The following RAPGEF6 variants were observed in gnomAD, a reference collection of about 807,000 sequenced individuals.
RAPGEF6 encodes PDZ domain containing guanine nucleotide exchange factor (GEF) 2.
A neutral mutation model predicts 171.4 loss-of-function variants in RAPGEF6; 56 were observed. That is an observed-to-expected ratio of 0.33 (90% CI 0.26 to 0.41). The LOEUF (loss-of-function observed/expected upper bound fraction) is 0.41, where lower values mean the gene tolerates loss of function less well. Ranked by LOEUF, RAPGEF6 falls within the 10% of genes least tolerant of loss-of-function variation. The pLI is 1.00. For synonymous variants in RAPGEF6, 692 were observed against 650.1 expected (o/e 1.06, Z -0.98); for missense variants, 1,674 against 1,921.4 (o/e 0.87, Z 2.41).
At chr5:131,559,705 TG>T (rs1761468381) in intron 5 of RAPGEF6, among the ~76,000 whole-genome samples, 1 of 151,850 alleles carries the variant, frequency 6.6e-6, no homozygotes, top group African/African-American at 2.4e-5. Flanking sequence ...CTGGGTATGG[TG>T]GGGTGCATCT....
chr5:131,617,250 A>G (rs901526122), intron 1 of RAPGEF6, among the ~76,000 whole-genome samples: 1 of 151,900 alleles, frequency 6.6e-6, no homozygotes, highest in African/African-American at 2.4e-5. Context: ...TAGGAGGCCA[A>G]TCTGGGCAAT....
At position 131,542,318 on chromosome 5, in the gene RAPGEF6, T is replaced by A. The variant is rs62383389; in HGVS notation, c.495+5729A>T. 9.6e-3 allele frequency among the ~76,000 whole-genome samples: 1,460 copies of A among 152,280 alleles called. 20 individuals are homozygous for A. The highest frequency in any genetic ancestry group is 0.034 in the Middle Eastern group (10 of 294). On this transcript the variant is annotated intron_variant, in intron 6 of 27. Coordinates refer to ENST00000509018, the MANE Select transcript of RAPGEF6 (RefSeq NM_016340.6). The stretch of plus-strand genomic sequence containing the variant: ...CAACAGCAATAGGATGCTACTAACA[T>A]TACTATTTTTCAGAGCACCAGACAC...
chr5:131,494,748 G>C (rs1175976037), intron 13 of RAPGEF6, among the ~76,000 whole-genome samples: 2 of 146,214 alleles, frequency 1.4e-5, no homozygotes, highest in Non-Finnish European at 3.0e-5. Flanking sequence ...ACTAGAACTA[G>C]GGTCAGTGAG....
intron 6 of RAPGEF6, 76 bp downstream of exon 6, chr5:131,547,971 C>A: frequency 6.7e-7 from 1 of 1,495,686 alleles, no homozygotes; most frequent in Admixed American, 1.9e-5. Context: ...TTGATATTAC[C>A]AAAGATACAT....
intron 15 of RAPGEF6, among the ~76,000 whole-genome samples, chr5:131,481,431 G>A (rs1755473180): frequency 6.6e-6 from 1 of 151,166 alleles, no homozygotes; most frequent in Non-Finnish European, 1.5e-5. Flanking sequence ...GTTTCGACAT[G>A]TTGCCCAGGA....
chr5:131,463,892 G>A, intron 18 of RAPGEF6, 149 bp downstream of exon 18: 6 of 1,387,900 alleles, frequency 4.3e-6, no homozygotes, highest in South Asian at 1.9e-5. Context: ...TATTTTAGCA[G>A]GAGTGACAAG....
At chr5:131,514,394 G>C (rs1043313278) in intron 7 of RAPGEF6, among the ~76,000 whole-genome samples, 1 of 146,576 alleles carries the variant, frequency 6.8e-6, no homozygotes, top group African/African-American at 2.5e-5. Context: ...TGGGCAGAAA[G>C]TTTAATTCTA....
At chr5:131,452,808 C>A (rs552726154) in intron 21 of RAPGEF6, among the ~76,000 whole-genome samples, 1 of 152,044 alleles carries the variant, frequency 6.6e-6, no homozygotes, top group Admixed American at 6.6e-5. Flanking sequence ...TATCCACATA[C>A]AAATATTTGC....
intron 12 of RAPGEF6, among the ~76,000 whole-genome samples, chr5:131,498,152 G>C (rs1756756094): frequency 6.6e-6 from 1 of 152,178 alleles, no homozygotes; most frequent in Admixed American, 6.5e-5. Flanking sequence ...AAACAATCAA[G>C]TATTTCAGTA....
At chr5:131,571,530 T>C (rs1028611408) in intron 4 of RAPGEF6, among the ~76,000 whole-genome samples, 5 of 152,210 alleles carry the variant, frequency 3.3e-5, no homozygotes, top group African/African-American at 9.6e-5. Context: ...ACAATATCTC[T>C]ACACTGAAAA....
intron 4 of RAPGEF6, among the ~76,000 whole-genome samples, chr5:131,578,950 T>C (rs1160062733): frequency 6.6e-6 from 1 of 152,208 alleles, no homozygotes; most frequent in Non-Finnish European, 1.5e-5. Flanking sequence ...GGTGGGTTCT[T>C]GGTCTCACTA....
intron 17 of RAPGEF6, chr5:131,472,286 T>C (rs564438523): frequency 2.7e-6 from 1 of 369,426 alleles, no homozygotes; most frequent in Middle Eastern, 9.2e-4. Flanking sequence ...TTAGCCAGGA[T>C]GGTCTCAATC....
chr5:131,588,113 A>G (rs546566293), intron 4 of RAPGEF6, among the ~76,000 whole-genome samples: 137 of 151,490 alleles, frequency 9.0e-4, no homozygotes, highest in Non-Finnish European at 1.6e-3. Context: ...GGGTCCTGAG[A>G]TTTATTTTCC....
intron 4 of RAPGEF6, among the ~76,000 whole-genome samples, chr5:131,579,821 T>C (rs1461266662): frequency 1.3e-5 from 2 of 152,026 alleles, no homozygotes; most frequent in Non-Finnish European, 2.9e-5. Flanking sequence ...GTTCTCCACG[T>C]CCCCACTAGA....
intron 1 of RAPGEF6, among the ~76,000 whole-genome samples, chr5:131,623,538 C>A (rs1488541982): frequency 7.3e-6 from 1 of 137,912 alleles, no homozygotes; most frequent in Admixed American, 7.8e-5. Flanking sequence ...GGCTGGAGTG[C>A]ACAATGGTAC....
intron 6 of RAPGEF6, among the ~76,000 whole-genome samples, chr5:131,533,280 C>T (rs1165091962): frequency 2.0e-5 from 3 of 151,888 alleles, no homozygotes; most frequent in Non-Finnish European, 4.4e-5. Flanking sequence ...GGCTTGAGCA[C>T]CCTTTCTACT....
At position 131,505,425 on chromosome 5, in the gene RAPGEF6, G is replaced by A. The variant is rs746198961; in HGVS notation, c.1040C>T (p.Thr347Ile). 1 of 1,613,516 alleles carries A rather than the reference G, an allele frequency of 6.2e-7. No individual in the cohort carries two copies. The highest frequency in any genetic ancestry group is 8.5e-7 in the Non-Finnish European group (1 of 1,179,632). Residue 347 changes from threonine (T) to isoleucine (I), a missense_variant, in exon 10 of 28, where the codon ACT (threonine) becomes ATT (isoleucine). By Grantham distance (89) the Thr-to-Ile change is moderately conservative. Coordinates refer to ENST00000509018, the MANE Select transcript of RAPGEF6 (RefSeq NM_016340.6). ...NLFMGNSFGI[T>I]PTLDKQYMHG... ...CATGTACTGCTTATCCAGAGTGGGA[G>A]TAATTCCAAAACTATTTCCCATAAA...
chr5:131,574,327 G>A (rs1227520500), intron 4 of RAPGEF6, among the ~76,000 whole-genome samples: 2 of 152,130 alleles, frequency 1.3e-5, no homozygotes, highest in East Asian at 1.9e-4. Flanking sequence ...TTGGCTTAGC[G>A]GCTGAAGACT....
chr5:131,635,218 G>C lies in RAPGEF6; in HGVS notation c.-188C>G, dbSNP rs1189039101. ...GGCCTCTACCCACGCGCGACTGGCC[G>C]GAGACAAGTCTGCGCGGGGGCGGGG... On this transcript the variant is annotated 5_prime_UTR_variant, in exon 1 of 28. Transcript: ENST00000509018. 6.9e-6 allele frequency: 4 copies of C among 580,382 alleles called. No individual in the cohort carries two copies. Among genetic ancestry groups the C allele is most frequent in the Non-Finnish European group, 1.2e-5 (4 of 339,362 alleles). 36.0% of individuals were successfully genotyped at this position (580,382 alleles called of 1,614,324 possible). A position where few individuals can be genotyped will look rare whatever the true frequency, so the allele number is the denominator to read the frequency against.
Sources: gnomAD v4.1 joint callset for allele counts (sites outside exome capture counted in the v4.1 genomes callset) on GRCh38, gnomAD v4.1.1 for gene constraint, MANE v1.5 for transcripts, NCBI Gene and HGNC (gene_info 2026-07-23, HGNC 2026-07-21) for gene names.